Variants in AKNAD1 observed in about 807,000 individuals in gnomAD.
The protein encoded by AKNAD1 is AKNA domain containing 1.
Under a neutral mutation model 90.8 loss-of-function variants are expected in AKNAD1, and 67 were observed. The ratio of observed to expected loss-of-function variants is 0.74; its 90% CI spans 0.61 to 0.90. The LOEUF (loss-of-function observed/expected upper bound fraction) is 0.90. Among genes scored for constraint, AKNAD1 ranks in the 40% least tolerant of loss-of-function variants. The pLI is 0.00. For synonymous variants in AKNAD1, 327 were observed against 341.4 expected (o/e 0.96, Z 0.46); for missense variants, 957 against 975.4 (o/e 0.98, Z 0.25).
intron 11 of AKNAD1, 112 bp downstream of exon 11, chr1:108,827,093 G>A (rs1664022214): frequency 2.7e-6 from 2 of 750,340 alleles, no homozygotes; most frequent in Non-Finnish European, 4.7e-6. Context: ...CAACATCCTA[G>A]TGTAGGGAAA....
chr1:108,847,447 CAAA>C (rs1326594196), intron 5 of AKNAD1, among the ~76,000 whole-genome samples: 1 of 83,130 alleles, frequency 1.2e-5, no homozygotes. Flanking sequence ...GACCGTGTCT[CAAA>C]AAAAAAAAAA....
chr1:108,831,773 C>G (rs979657350), intron 9 of AKNAD1, among the ~76,000 whole-genome samples: 11 of 151,792 alleles, frequency 7.2e-5, no homozygotes, highest in African/African-American at 2.7e-4. Flanking sequence ...ATTACAGGTG[C>G]CCACCACTAC....
intron 1 of AKNAD1, among the ~76,000 whole-genome samples, chr1:108,856,492 G>A (rs1211216696): frequency 6.6e-6 from 1 of 152,036 alleles, no homozygotes; most frequent in African/African-American, 2.4e-5. Flanking sequence ...TTGAGGACAG[G>A]AGTTTGAGAA....
At chr1:108,853,943 G>GAA (rs71069607) in intron 1 of AKNAD1, among the ~76,000 whole-genome samples, 66 of 150,324 alleles carry the variant, frequency 4.4e-4, no homozygotes, top group African/African-American at 1.3e-3. Context: ...CTCAAAAAAA[G>GAA]AAAAAAAAAG....
chr1:108,849,431 A>G, intron 3 of AKNAD1, 106 bp downstream of exon 3: 1 of 747,532 alleles, frequency 1.3e-6, no homozygotes, highest in Non-Finnish European at 2.3e-6. Flanking sequence ...ATGAACCAAG[A>G]TTGTGCTGCT....
chr1:108,837,817 T>C, intron 6 of AKNAD1, 111 bp from the exon 7 acceptor site: 1 of 1,243,216 alleles, frequency 8.0e-7, no homozygotes, highest in Non-Finnish European at 1.1e-6. Context: ...GTGGCCTGTC[T>C]TCTGTCACAA....
At chr1:108,844,460 A>G (rs563768325) in intron 5 of AKNAD1, among the ~76,000 whole-genome samples, 26 of 152,166 alleles carry the variant, frequency 1.7e-4, no homozygotes, top group African/African-American at 6.3e-4. Flanking sequence ...ATAGATAGAG[A>G]GAGAGAGACC....
chr1:108,841,047 C>T (rs1434762993), intron 6 of AKNAD1, among the ~76,000 whole-genome samples: 1 of 152,076 alleles, frequency 6.6e-6, no homozygotes, highest in Non-Finnish European at 1.5e-5. Context: ...GTGGCATGCA[C>T]CTTTAATCCC....
At chr1:108,845,385 T>C (rs1664674359) in intron 5 of AKNAD1, among the ~76,000 whole-genome samples, 1 of 152,152 alleles carries the variant, frequency 6.6e-6, no homozygotes, top group Admixed American at 6.5e-5. Flanking sequence ...GTCATGGAGT[T>C]GACTCTGTCC....
At chr1:108,840,837 A>G (rs1450669094) in intron 6 of AKNAD1, among the ~76,000 whole-genome samples, 1 of 152,186 alleles carries the variant, frequency 6.6e-6, no homozygotes, top group Non-Finnish European at 1.5e-5. Flanking sequence ...TCTTGCAGGC[A>G]GAAGAGAATG....
At chr1:108,827,430 A>AT in intron 10 of AKNAD1, 128 bp from the exon 11 acceptor site, 1 of 678,124 alleles carries the variant, frequency 1.5e-6, no homozygotes, top group Non-Finnish European at 2.6e-6. Flanking sequence ...GGGGCTTGTC[A>AT]TCCTCTACAC....
rs751458114 is a variant in AKNAD1 at position 108,823,354 on chromosome 1, C to T, written c.2167+16G>A. ...GGTTGTTGATATGGATGGGGTCATG[C>T]AGGAGATGTACTTACAGGGTGAAGA... On this transcript the variant is annotated intron_variant, in intron 13 of 15. Coordinates refer to ENST00000370001, the MANE Select transcript of AKNAD1 (RefSeq NM_152763.5). 3 of 1,567,372 alleles carry T rather than the reference C, an allele frequency of 1.9e-6. No homozygotes were observed. The highest frequency in any genetic ancestry group is 8.8e-7 in the Non-Finnish European group (1 of 1,137,324).
intron 13 of AKNAD1, chr1:108,823,092 C>T: frequency 4.5e-6 from 3 of 659,396 alleles, no homozygotes; most frequent in South Asian, 1.7e-5. Context: ...GTTCAGCAAA[C>T]ATTTATGGGT....
intron 10 of AKNAD1, 145 bp downstream of exon 10, chr1:108,830,414 G>T: frequency 2.8e-6 from 2 of 703,608 alleles, no homozygotes; most frequent in Non-Finnish European, 4.8e-6. Context: ...GTGCGAGGGA[G>T]GCTGGGCTCT....
rs114105960 is a variant in AKNAD1 at position 108,838,125 on chromosome 1, C to T, written c.1380-419G>A. On this transcript the variant is annotated intron_variant, in intron 6 of 15. Transcript: ENST00000370001. The stretch of plus-strand genomic sequence containing the variant: ...ATAATTTAATTAACAAGTTCTAATC[C>T]ATATGAATATATGTGTATGTGTATA... Among the ~76,000 whole-genome samples the T allele has an allele frequency of 5.4e-3, 826 of 152,134 alleles. 10 individuals are homozygous for T. The highest frequency in any genetic ancestry group is 0.019 in the African/African-American group (794 of 41,492).
At position 108,852,519 on chromosome 1, in the gene AKNAD1, A is replaced by C; in HGVS notation, c.146T>G (p.Phe49Cys). Residue 49 changes from phenylalanine (F) to cysteine (C), a missense_variant, in exon 2 of 16, where the codon TTC becomes TGC. Physicochemically the swap from Phe to Cys is radical, Grantham distance 205. Transcript: ENST00000370001. ...CTTCTCTTGAGGGTCATCTGCTATG[A>C]AAATAATTTGATTTAAGACTTCAAG... ...DGLEVLNQII[F>C]IADDPQEKAM... 2 of 1,614,182 alleles carry C rather than the reference A, an allele frequency of 1.2e-6. No homozygotes were observed. Among genetic ancestry groups the C allele is most frequent in the Non-Finnish European group, 1.7e-6 (2 of 1,180,016 alleles).
At chr1:108,826,039 G>A (rs1663986735) in intron 11 of AKNAD1, among the ~76,000 whole-genome samples, 1 of 151,458 alleles carries the variant, frequency 6.6e-6, no homozygotes. Flanking sequence ...GGACCTGGTG[G>A]CCCCCCCGAA....
intron 6 of AKNAD1, among the ~76,000 whole-genome samples, chr1:108,839,471 T>TAAAAAAAAAAAAGAAAAAAAAAAAAAA (rs3044857): frequency 7.9e-6 from 1 of 126,144 alleles, no homozygotes; most frequent in Non-Finnish European, 1.6e-5. Context: ...TCCGTCTCAA[T>TAAAAAAAAAAAAGAAAAAAAAAAAAAA]AAAAAAAAAA....
chr1:108,829,824 C>T (rs867404151), intron 10 of AKNAD1, among the ~76,000 whole-genome samples: 1 of 152,180 alleles, frequency 6.6e-6, no homozygotes, highest in Non-Finnish European at 1.5e-5. Flanking sequence ...GTCAATGAGC[C>T]GAGCTTTGGC....
Sources: allele counts gnomAD v4.1 joint callset (sites outside exome capture counted in the v4.1 genomes callset), GRCh38; gene constraint gnomAD v4.1.1; transcripts MANE v1.5; gene names NCBI Gene and HGNC (gene_info 2026-07-23, HGNC 2026-07-21).